The following PAPPA variants were observed in gnomAD, a reference collection of about 807,000 sequenced individuals.
PAPPA encodes pappalysin 1, also known as pappalysin-1.
In PAPPA, 60 loss-of-function variants were observed where a neutral mutation model predicts 164.0. The ratio of observed to expected loss-of-function variants is 0.37; its 90% confidence interval spans 0.30 to 0.45. PAPPA has a LOEUF of 0.45. PAPPA is among the 20% of genes least tolerant of loss of function. The pLI is 1.00. For missense variants in PAPPA, 1,782 were observed against 2,087.3 expected (o/e 0.85, Z 2.85); for synonymous variants, 875 against 814.1 (o/e 1.07, Z -1.27).
At chr9:116,197,373 G>A (rs1163459484) in intron 2 of PAPPA, among the ~76,000 whole-genome samples, 1 of 152,138 alleles carries the variant, frequency 6.6e-6, no homozygotes, top group African/African-American at 2.4e-5. Flanking sequence ...TGAGTACAAA[G>A]TGTTCAGTGT....
intron 13 of PAPPA, among the ~76,000 whole-genome samples, chr9:116,341,765 A>ATG (rs1846140978): frequency 5.9e-5 from 9 of 152,212 alleles, no homozygotes; most frequent in Non-Finnish European, 1.5e-5. Context: ...TGTTGAATAG[A>ATG]CGAATCAGTG....
At chr9:116,309,091 T>C (rs1467688198) in intron 10 of PAPPA, among the ~76,000 whole-genome samples, 2 of 152,008 alleles carry the variant, frequency 1.3e-5, no homozygotes, top group Non-Finnish European at 2.9e-5. Context: ...TTTCTTTTTT[T>C]TTTTGGCAAA....
chr9:116,331,553 T>G (rs1191025072), intron 11 of PAPPA, among the ~76,000 whole-genome samples, 196 bp downstream of exon 11: 4 of 152,256 alleles, frequency 2.6e-5, no homozygotes, highest in African/African-American at 7.2e-5. Context: ...CACTGAGCTC[T>G]TGTTTTAGCA....
chr9:116,154,706 C>T lies in PAPPA; in HGVS notation c.415+119C>T, dbSNP rs1158585152. The T allele has an allele frequency of 2.2e-5, 25 of 1,159,802 alleles. No individual in the cohort carries two copies. Among genetic ancestry groups the T allele is most frequent in the Non-Finnish European group, 2.7e-5 (25 of 925,290 alleles). 71.8% of individuals were successfully genotyped at this position (1,159,802 alleles called of 1,614,324 possible). On this transcript the variant is annotated intron_variant, in intron 1 of 21. Transcript: ENST00000328252. The surrounding 1 kb of genome is among the most constrained non-coding windows in gnomAD (Gnocchi z 5.2). The stretch of plus-strand genomic sequence containing the variant: ...TGCGGGCGTGTCTGTGCGAGAGCTG[C>T]CCCGCGAGCGGCGCAGAGACATCCG...
At chr9:116,314,039 A>G (rs576465694) in intron 10 of PAPPA, among the ~76,000 whole-genome samples, 6 of 135,052 alleles carry the variant, frequency 4.4e-5, no homozygotes, top group African/African-American at 1.4e-4. Flanking sequence ...AAATTCATTC[A>G]GTTCTGTCAT....
chr9:116,263,906 C>G (rs1338768433), intron 7 of PAPPA, among the ~76,000 whole-genome samples: 4 of 152,156 alleles, frequency 2.6e-5, no homozygotes, highest in African/African-American at 9.7e-5. Context: ...GTGAAAAACA[C>G]AATGTAGAGA....
intron 10 of PAPPA, among the ~76,000 whole-genome samples, chr9:116,314,183 G>A (rs1484336562): frequency 1.4e-5 from 2 of 141,404 alleles, no homozygotes; most frequent in African/African-American, 2.7e-5. Context: ...CAAGCGTCCT[G>A]CCTCAACCTC....
intron 21 of PAPPA, among the ~76,000 whole-genome samples, chr9:116,394,312 T>C (rs1846933237): frequency 2.0e-5 from 3 of 152,180 alleles, no homozygotes; most frequent in Admixed American, 2.0e-4. Context: ...GCTGAGGCTT[T>C]TGCATGTTTC....
At position 116,211,771 on chromosome 9, in the gene PAPPA, C is replaced by A. The variant is rs146832580; in HGVS notation, c.1757C>A (p.Pro586His). 1 of 1,614,120 alleles carries A rather than the reference C, an allele frequency of 6.2e-7. No homozygotes were observed. Among genetic ancestry groups the A allele is most frequent in the African/African-American group, 1.3e-5 (1 of 75,046 alleles). ...TCAGAAATCCAGTCCTGCAGTGACC[C>A]CTGCATGGAGACAGAGCCCTCCTTC... ...GISEIQSCSD[P>H]CMETEPSFET... is the part of the protein sequence containing the mutation. Residue 586 changes from proline to histidine, a missense_variant, in exon 4 of 22, where the codon CCC becomes CAC. Physicochemically the swap from Pro to His is moderately conservative, Grantham distance 77. Around this residue, in one of 2 missense-constraint regions of PAPPA, gnomAD observed 1,324 missense variants for 1,656.9 expected, o/e 0.80. Coordinates refer to ENST00000328252, the MANE Select transcript of PAPPA (RefSeq NM_002581.5).
chr9:116,388,994 A>G (rs998640129), intron 21 of PAPPA, among the ~76,000 whole-genome samples: 1 of 152,222 alleles, frequency 6.6e-6, no homozygotes, highest in Non-Finnish European at 1.5e-5. Context: ...TGGAAAAATA[A>G]TCAACATCAT....
At chr9:116,393,518 G>C (rs1027768604) in intron 21 of PAPPA, among the ~76,000 whole-genome samples, 20 of 152,286 alleles carry the variant, frequency 1.3e-4, no homozygotes, top group African/African-American at 4.1e-4. Flanking sequence ...TGACATCGAA[G>C]TAAAGAAGTA....
chr9:116,274,051 C>A (rs1473335651), intron 9 of PAPPA, among the ~76,000 whole-genome samples: 1 of 151,736 alleles, frequency 6.6e-6, no homozygotes, highest in Admixed American at 6.6e-5. Context: ...CCCAGAGAGC[C>A]TGACTCCAGA....
chr9:116,295,553 CAA>C (rs56171405), intron 9 of PAPPA, among the ~76,000 whole-genome samples: 8 of 114,698 alleles, frequency 7.0e-5, no homozygotes, highest in Admixed American at 9.3e-5. Context: ...GACTCGGTCT[CAA>C]AAAAAAAAAA....
intron 15 of PAPPA, among the ~76,000 whole-genome samples, chr9:116,351,549 A>G (rs1407610900): frequency 6.6e-6 from 1 of 152,194 alleles, no homozygotes; most frequent in East Asian, 1.9e-4. Flanking sequence ...CGGAATGAAT[A>G]ATAAGGGCCC....
intron 13 of PAPPA, among the ~76,000 whole-genome samples, chr9:116,338,273 T>C (rs1260641772): frequency 6.6e-6 from 1 of 152,186 alleles, no homozygotes; most frequent in Non-Finnish European, 1.5e-5. Context: ...TCTTCCTTTA[T>C]CTCAAACTCT....
chr9:116,277,960 G>A (rs1307930732), intron 9 of PAPPA, among the ~76,000 whole-genome samples: 2 of 152,178 alleles, frequency 1.3e-5, no homozygotes, highest in African/African-American at 2.4e-5. Flanking sequence ...GAGCCACCGT[G>A]CCTGACTGAA....
chr9:116,209,248 G>C (rs945356017), intron 3 of PAPPA, among the ~76,000 whole-genome samples: 7 of 152,132 alleles, frequency 4.6e-5, no homozygotes, highest in Admixed American at 3.9e-4. Context: ...TGCTAGACTA[G>C]AGCCAAAATT....
Position 116,347,194 on chromosome 9 carries a change from C to T in PAPPA, c.3949C>T (p.Pro1317Ser), listed in dbSNP as rs1429669004. ...GSQCSFQCRH[P>S]AQLKGNNSLL... ...TCAATGTTCCTTCCAGTGCCGTCAC[C>T]CTGCACAATTGAAAGGTATCAAGAA... The change falls in exon 15 of 22, where the codon CCT becomes TCT. Residue 1317 changes from proline to serine, a missense_variant. This residue lies in a region of PAPPA where 1,324 missense variants were observed against 1,656.9 expected (regional missense o/e 0.80). Transcript: ENST00000328252. The surrounding 1 kb of genome is among the most constrained non-coding windows in gnomAD (Gnocchi z 4.5). 1 of 1,611,434 alleles carries T rather than the reference C, an allele frequency of 6.2e-7. No individual in the cohort carries two copies. Among genetic ancestry groups the T allele is most frequent in the Non-Finnish European group, 8.5e-7 (1 of 1,178,830 alleles).
chr9:116,235,272 C>A lies in PAPPA; in HGVS notation c.2367C>A (p.Tyr789Ter). The change falls in exon 7 of 22, where the codon TAC becomes TAA. Residue 789 changes from tyrosine (Y) to a stop codon, truncating the protein, a stop_gained. Coordinates refer to ENST00000328252, the MANE Select transcript of PAPPA (RefSeq NM_002581.5). LOFTEE classifies it high-confidence loss of function. ...GCTACCTCGAGCTGGAGTTCCTCTA[C>A]CCCTTGGTCCCTGAGTCTCTGACCA... ...QGCYLELEFL[Y>*]PLVPESLTIW... is the part of the protein sequence containing the mutation. 1 of 1,614,154 alleles carries A rather than the reference C, an allele frequency of 6.2e-7. No individual in the cohort carries two copies.
Sources: allele counts gnomAD v4.1 joint callset (sites outside exome capture counted in the v4.1 genomes callset), GRCh38; gene constraint gnomAD v4.1.1; regional missense constraint gnomAD v4.1.1; non-coding constraint Gnocchi (gnomAD v3.1); transcripts MANE v1.5; gene names NCBI Gene and HGNC (gene_info 2026-07-23, HGNC 2026-07-21).